The following ENOX1 variants were observed in gnomAD, a reference collection of about 807,000 sequenced individuals.
The protein encoded by ENOX1 is candidate growth-related and time keeping constitutive hydroquinone (NADH) oxidase.
Under a neutral mutation model 82.5 loss-of-function variants are expected in ENOX1, and 42 were observed. The ratio of observed to expected loss-of-function variants is 0.51; its 90% CI spans 0.40 to 0.66. The LOEUF (loss-of-function observed/expected upper bound fraction) is 0.66, where lower values mean the gene tolerates loss of function less well. Ranked by LOEUF, ENOX1 falls within the 30% of genes least tolerant of loss-of-function variation. ENOX1 has a pLI of 0.00. For missense variants in ENOX1, 608 were observed against 811.6 expected (o/e 0.75, Z 3.05); for synonymous variants, 271 against 282.2 (o/e 0.96, Z 0.40).
chr13:43,458,451 T>A (rs1042070291), intron 3 of ENOX1: 1 of 152,236 alleles, frequency 6.6e-6, no homozygotes, highest in African/African-American at 2.4e-5. Flanking sequence ...CATTTCCATT[T>A]TTTAGGCATC....
intron 3 of ENOX1, chr13:43,458,910 C>T (rs1490020723): frequency 6.6e-6 from 1 of 152,328 alleles, no homozygotes; most frequent in East Asian, 1.9e-4. Context: ...AGACTCTCCC[C>T]CTTTTTTCTT....
intron 3 of ENOX1, among the ~76,000 whole-genome samples, chr13:43,452,508 T>C (rs1301528756): frequency 6.6e-6 from 1 of 152,148 alleles, no homozygotes; most frequent in Non-Finnish European, 1.5e-5. Context: ...ATTTTCTTTA[T>C]CCTGTCCATC....
rs538549907 is a variant in ENOX1 at position 43,231,239 on chromosome 13, C to A, written c.1714+5397G>T. On this transcript the variant is annotated intron_variant, in intron 15 of 16. Coordinates refer to ENST00000690772, the MANE Select transcript of ENOX1 (RefSeq NM_001347969.2). ...TCATGTTGACACCCATATAAATGGTCCACGGATGTTGGAGAATCAGCAGGA... is the reference window on the plus strand; with the variant it reads ...TCATGTTGACACCCATATAAATGGTACACGGATGTTGGAGAATCAGCAGGA... Among the ~76,000 whole-genome samples, 97 of 152,270 alleles carry A rather than the reference C, an allele frequency of 6.4e-4. 2 individuals carry two copies. Among genetic ancestry groups the A allele is most frequent in the African/African-American group, 2.3e-3 (95 of 41,538 alleles).
intron 2 of ENOX1, among the ~76,000 whole-genome samples, chr13:43,666,016 T>G (rs1391185165): frequency 6.6e-6 from 1 of 151,466 alleles, no homozygotes; most frequent in Non-Finnish European, 1.5e-5. Flanking sequence ...GGTTTGCCAG[T>G]GCGTATAAAG....
At chr13:43,457,584 A>G (rs2057290728) in intron 3 of ENOX1, among the ~76,000 whole-genome samples, 1 of 152,200 alleles carries the variant, frequency 6.6e-6, no homozygotes, top group Non-Finnish European at 1.5e-5. Context: ...AACAGCAGGA[A>G]GACTGGCCCA....
Position 43,322,477 on chromosome 13 carries a change from G to C in ENOX1, c.1168C>G (p.Gln390Glu). Residue 390 changes from glutamine (Q) to glutamate (E), a missense_variant, in exon 11 of 17, where the codon CAG (glutamine) becomes GAG (glutamate). Gln to Glu is a conservative substitution (Grantham distance 29). Coordinates refer to ENST00000690772, the MANE Select transcript of ENOX1 (RefSeq NM_001347969.2). ...SEELRNAQSE[Q>E]LMGIRREEEM... ...TCTTCGCGGCGGATGCCCATGAGCT[G>C]CTCACTTTGAGCATTCCGGAGCTCC... 1.9e-6 allele frequency: 3 copies of C among 1,613,672 alleles called. No individual in the cohort carries two copies. The highest frequency in any genetic ancestry group is 2.5e-6 in the Non-Finnish European group (3 of 1,179,766).
intron 3 of ENOX1, among the ~76,000 whole-genome samples, chr13:43,417,296 A>T (rs1231976500): frequency 1.3e-5 from 2 of 151,892 alleles, no homozygotes; most frequent in African/African-American, 4.8e-5. Context: ...AATGACATAC[A>T]ACTTACTGTG....
At chr13:43,713,592 T>C (rs1316223534) in intron 1 of ENOX1, among the ~76,000 whole-genome samples, 6 of 152,100 alleles carry the variant, frequency 3.9e-5, no homozygotes, top group Non-Finnish European at 7.4e-5. Context: ...AATTTCAGAG[T>C]CTGTTATTGG....
chr13:43,351,420 A>G (rs1170238147), intron 8 of ENOX1, among the ~76,000 whole-genome samples: 1 of 150,814 alleles, frequency 6.6e-6, no homozygotes, highest in Non-Finnish European at 1.5e-5. Context: ...TATTTTATTT[A>G]TTTATTTATT....
At chr13:43,416,721 C>A (rs1284062176) in intron 3 of ENOX1, among the ~76,000 whole-genome samples, 1 of 151,614 alleles carries the variant, frequency 6.6e-6, no homozygotes, top group Non-Finnish European at 1.5e-5. Flanking sequence ...CTCCTCACTT[C>A]CCAGACAGGG....
intron 5 of ENOX1, among the ~76,000 whole-genome samples, chr13:43,364,443 C>T (rs1164492146): frequency 6.6e-6 from 1 of 152,154 alleles, no homozygotes; most frequent in Non-Finnish European, 1.5e-5. Context: ...GACCGTGGCC[C>T]TGTCTGGCTC....
At chr13:43,683,351 T>C (rs1281139846) in intron 1 of ENOX1, among the ~76,000 whole-genome samples, 1 of 152,186 alleles carries the variant, frequency 6.6e-6, no homozygotes, top group East Asian at 1.9e-4. Context: ...GTCTCCACAG[T>C]TACAGAAGCA....
chr13:43,588,577 T>C (rs969794902), intron 2 of ENOX1, among the ~76,000 whole-genome samples: 1 of 152,238 alleles, frequency 6.6e-6, no homozygotes, highest in Non-Finnish European at 1.5e-5. Context: ...GGTTGGAATT[T>C]GAAGTTGAAA....
intron 1 of ENOX1, among the ~76,000 whole-genome samples, chr13:43,696,155 G>A (rs1395794888): frequency 6.6e-6 from 1 of 152,064 alleles, no homozygotes; most frequent in Non-Finnish European, 1.5e-5. Context: ...AATATTTCAT[G>A]GTATAGATAT....
At chr13:43,417,273 A>G (rs915173691) in intron 3 of ENOX1, among the ~76,000 whole-genome samples, 1 of 64,996 alleles carries the variant, frequency 1.5e-5, no homozygotes, top group African/African-American at 3.6e-5. Flanking sequence ...GAGAGGGCCA[A>G]TCTAATGGTT....
intron 2 of ENOX1, among the ~76,000 whole-genome samples, chr13:43,633,984 A>T (rs2083318638): frequency 6.6e-6 from 1 of 151,808 alleles, no homozygotes; most frequent in Non-Finnish European, 1.5e-5. Flanking sequence ...TTAAAAACTT[A>T]AAAGCAACAC....
chr13:43,656,349 C>G (rs952133366), intron 2 of ENOX1, among the ~76,000 whole-genome samples: 1 of 152,056 alleles, frequency 6.6e-6, no homozygotes, highest in African/African-American at 2.4e-5. Flanking sequence ...TCATCACTGG[C>G]AAAAATGTAA....
intron 2 of ENOX1, among the ~76,000 whole-genome samples, chr13:43,647,810 T>C (rs1566702337): frequency 6.6e-6 from 1 of 152,204 alleles, no homozygotes; most frequent in Non-Finnish European, 1.5e-5. Context: ...TGGGAGATTA[T>C]CCTGTATTTT....
intron 2 of ENOX1, among the ~76,000 whole-genome samples, chr13:43,518,097 T>G (rs1172825934): frequency 6.6e-6 from 1 of 152,158 alleles, no homozygotes; most frequent in East Asian, 1.9e-4. Context: ...CATAGATGCT[T>G]GTTCAAAGAA....
Sources: gnomAD v4.1 joint callset for allele counts (sites outside exome capture counted in the v4.1 genomes callset) on GRCh38, gnomAD v4.1.1 for gene constraint, MANE v1.5 for transcripts, NCBI Gene and HGNC (gene_info 2026-07-23, HGNC 2026-07-21) for gene names.